The following TTC28 variants were observed in gnomAD, a reference collection of about 807,000 sequenced individuals.
TTC28 encodes the protein tetratricopeptide repeat protein 28.
TTC28 carries 61 observed loss-of-function variants against 198.0 expected under a neutral mutation model. The observed-to-expected ratio is 0.31, with a 90% CI of 0.25 to 0.38. The LOEUF (loss-of-function observed/expected upper bound fraction) is 0.38, where lower values mean the gene tolerates loss of function less well. Among genes scored for constraint, TTC28 ranks in the 10% least tolerant of loss-of-function variants. The probability of loss-of-function intolerance (pLI) is 1.00; values close to 1 mark genes in which losing one functional copy is unlikely to be tolerated. For synonymous variants in TTC28, 1,171 were observed against 1,297.8 expected (o/e 0.90, Z 2.10); for missense variants, 2,678 against 3,164.0 (o/e 0.85, Z 3.69).
Position 28,046,663 on chromosome 22 carries a change from T to A in TTC28, c.3933-16297A>T, listed in dbSNP as rs151315169. Among the ~76,000 whole-genome samples, 4 of 152,194 alleles carry A rather than the reference T, an allele frequency of 2.6e-5. No individual in the cohort carries two copies. In the South Asian group the frequency reaches 8.3e-4, roughly 32 times the overall value. ...TGTACATAGGCTGCCTGTATACATATGCTATATACATGGCAATATATACAT... is the reference window on the plus strand; with the variant it reads ...TGTACATAGGCTGCCTGTATACATAAGCTATATACATGGCAATATATACAT... On this transcript the variant is annotated intron_variant, in intron 12 of 22. Transcript: ENST00000397906.
chr22:28,045,781 T>C (rs1038423647), intron 12 of TTC28, among the ~76,000 whole-genome samples: 5 of 152,102 alleles, frequency 3.3e-5, no homozygotes, highest in African/African-American at 1.2e-4. Context: ...CTGGCCAACA[T>C]GGTGAAACCT....
chr22:28,605,564 T>A (rs1470534142), intron 2 of TTC28, among the ~76,000 whole-genome samples: 1 of 152,190 alleles, frequency 6.6e-6, no homozygotes, highest in Non-Finnish European at 1.5e-5. Flanking sequence ...TAAAAGGGGA[T>A]GATTTTCCCC....
At chr22:28,081,924 T>C (rs1321895242) in intron 12 of TTC28, among the ~76,000 whole-genome samples, 2 of 152,236 alleles carry the variant, frequency 1.3e-5, no homozygotes, top group Non-Finnish European at 2.9e-5. Flanking sequence ...TCTTCTTTAA[T>C]TTCCTTCAGA....
chr22:28,120,044 T>C (rs9608666), intron 6 of TTC28, among the ~76,000 whole-genome samples: 8,671 of 152,248 alleles, frequency 0.057, 368 homozygotes, highest in Admixed American at 0.13. Flanking sequence ...TTCACAATGA[T>C]TATTAATAAG....
intron 5 of TTC28, among the ~76,000 whole-genome samples, chr22:28,244,699 A>G (rs1929952834): frequency 6.6e-6 from 1 of 152,198 alleles, no homozygotes; most frequent in Non-Finnish European, 1.5e-5. Flanking sequence ...GGGGCTTTTG[A>G]TCCATTATTC....
intron 6 of TTC28, among the ~76,000 whole-genome samples, chr22:28,148,804 G>C (rs146208529): frequency 7.2e-5 from 11 of 152,094 alleles, no homozygotes; most frequent in African/African-American, 2.7e-4. Flanking sequence ...CTGGTCTCTG[G>C]GGTCAGAAGC....
At position 28,101,275 on chromosome 22, in the gene TTC28, T is replaced by A; in HGVS notation, c.3313A>T (p.Arg1105Trp). ...QAVMYLQEGL[R>W]LAEQLGRRED... ...CTTCGGCCCAGTTGCTCAGCTAACC[T>A]TAAACCTGAAACCAGATAGAGAAAT... The change falls in exon 9 of 23, where the codon AGG becomes TGG. Residue 1105 changes from arginine (R) to tryptophan (W), a missense_variant. Physicochemically the swap from Arg to Trp is moderately radical, Grantham distance 101. This residue lies in a region of TTC28 where 727 missense variants were observed against 861.9 expected (regional missense o/e 0.84). Transcript: ENST00000397906. 1 of 1,551,400 alleles carries A rather than the reference T, an allele frequency of 6.4e-7. No individual in the cohort carries two copies. Among genetic ancestry groups the A allele is most frequent in the Non-Finnish European group, 8.7e-7 (1 of 1,146,666 alleles).
chr22:28,470,926 T>C (rs1355231871), intron 2 of TTC28, among the ~76,000 whole-genome samples: 1 of 152,176 alleles, frequency 6.6e-6, no homozygotes, highest in African/African-American at 2.4e-5. Flanking sequence ...TTCTCCACAT[T>C]TCAGCCGAAG....
At chr22:28,460,042 C>T (rs1384132243) in intron 2 of TTC28, 1 of 152,020 alleles carries the variant, frequency 6.6e-6, no homozygotes, top group African/African-American at 2.4e-5. Flanking sequence ...GTGTATTTTA[C>T]CACAATATAA....
In TTC28 at chr22:28,568,910, G is replaced by T. The variant is rs541486225; in HGVS notation, c.381+60642C>A. Reference sequence around the variant, plus strand: ...GCCTGTAATCCCAGCACTTTGGGAGGCCAAGGCAAGCAGATCACCTGAGGT... The same window carrying T: ...GCCTGTAATCCCAGCACTTTGGGAGTCCAAGGCAAGCAGATCACCTGAGGT... On this transcript the variant is annotated intron_variant, in intron 2 of 22. Transcript: ENST00000397906. Among the ~76,000 whole-genome samples, 5 of 152,198 alleles carry T rather than the reference G, an allele frequency of 3.3e-5. No individual in the cohort carries two copies. The South Asian group carries it at 8.3e-4, about 25-fold the overall frequency.
intron 6 of TTC28, among the ~76,000 whole-genome samples, chr22:28,161,138 A>T (rs1022718150): frequency 6.6e-6 from 1 of 152,234 alleles, no homozygotes; most frequent in Non-Finnish European, 1.5e-5. Context: ...AGAAGATTTT[A>T]AAAACCCAAT....
chr22:28,254,835 C>T (rs1022358938), intron 5 of TTC28, among the ~76,000 whole-genome samples: 5 of 152,084 alleles, frequency 3.3e-5, no homozygotes, highest in African/African-American at 4.8e-5. Flanking sequence ...CTGATATTCC[C>T]ATATAAAGCA....
At chr22:28,522,333 G>A (rs958482511) in intron 2 of TTC28, among the ~76,000 whole-genome samples, 6 of 151,722 alleles carry the variant, frequency 4.0e-5, no homozygotes, top group South Asian at 2.1e-4. Context: ...CTAAAAATAC[G>A]AAAAATTAGC....
intron 2 of TTC28, among the ~76,000 whole-genome samples, chr22:28,465,058 T>C (rs980867473): frequency 2.6e-5 from 4 of 152,208 alleles, no homozygotes; most frequent in African/African-American, 9.6e-5. Flanking sequence ...AGTGATCATA[T>C]ATAACAAGCA....
rs780524552 is a variant in TTC28 at position 28,001,194 on chromosome 22, G to A, written c.4398+180C>T. ...AGAATGGCCAGGGGTCATGAGGGCCGTGCCCCACTTTTGGACAGACCTACT... is the reference window on the plus strand; with the variant it reads ...AGAATGGCCAGGGGTCATGAGGGCCATGCCCCACTTTTGGACAGACCTACT... On this transcript the variant is annotated intron_variant, in intron 15 of 22. Coordinates refer to ENST00000397906, the MANE Select transcript of TTC28 (RefSeq NM_001145418.2). 2.5e-5 allele frequency: 18 copies of A among 713,416 alleles called. No individual in the cohort carries two copies. In the Admixed American group the frequency reaches 2.7e-4, roughly 11 times the overall value. 44.2% of individuals were successfully genotyped at this position (713,416 alleles called of 1,614,324 possible).
intron 5 of TTC28, among the ~76,000 whole-genome samples, chr22:28,231,082 T>C (rs1263933981): frequency 6.6e-6 from 1 of 152,244 alleles, no homozygotes; most frequent in Admixed American, 6.5e-5. Flanking sequence ...AATCTTTTCT[T>C]TTCTTTCAAC....
chr22:28,219,949 A>AT (rs1927725504), intron 5 of TTC28, among the ~76,000 whole-genome samples: 1 of 152,058 alleles, frequency 6.6e-6, no homozygotes, highest in Admixed American at 6.6e-5. Flanking sequence ...GAGTTCTTTT[A>AT]TTTTTTCTTT....
At chr22:28,521,276 T>C (rs577984848) in intron 2 of TTC28, among the ~76,000 whole-genome samples, 2 of 151,276 alleles carry the variant, frequency 1.3e-5, no homozygotes, top group East Asian at 3.9e-4. Context: ...GGCATGGTAG[T>C]GTACACCCGC....
intron 2 of TTC28, among the ~76,000 whole-genome samples, chr22:28,364,737 G>C (rs569864399): frequency 1.3e-5 from 2 of 152,314 alleles, no homozygotes; most frequent in East Asian, 3.9e-4. Context: ...ACTAGAATTA[G>C]AAGTGGAACA....
Sources: allele counts gnomAD v4.1 joint callset (sites outside exome capture counted in the v4.1 genomes callset), GRCh38; gene constraint gnomAD v4.1.1; regional missense constraint gnomAD v4.1.1; transcripts MANE v1.5; gene names NCBI Gene and HGNC (gene_info 2026-07-23, HGNC 2026-07-21).